The following ELP3 variants were observed in gnomAD, a reference collection of about 807,000 sequenced individuals.
ELP3 encodes elongator acetyltransferase complex subunit 3, also known as elongator complex protein 3.
A neutral mutation model predicts 74.9 loss-of-function variants in ELP3; 56 were observed. That is an observed-to-expected ratio of 0.75 (90% confidence interval 0.60 to 0.93). The LOEUF (loss-of-function observed/expected upper bound fraction) is 0.93, where lower values mean the gene tolerates loss of function less well. ELP3 is among the 40% of genes least tolerant of loss of function. ELP3 has a pLI of 0.00. For synonymous variants in ELP3, 222 were observed against 239.8 expected (o/e 0.93, Z 0.68); for missense variants, 573 against 686.5 (o/e 0.83, Z 1.85).
intron 14 of ELP3, among the ~76,000 whole-genome samples, chr8:28,174,415 C>A (rs1439667655): frequency 6.6e-6 from 1 of 152,022 alleles, no homozygotes; most frequent in Non-Finnish European, 1.5e-5. Flanking sequence ...CACTCTATGA[C>A]TCTTTTGGTT....
intron 2 of ELP3, 144 bp from the exon 3 acceptor site, chr8:28,099,684 G>A: frequency 2.2e-6 from 2 of 902,920 alleles, no homozygotes; most frequent in Non-Finnish European, 3.4e-6. Flanking sequence ...TTCCCTGATA[G>A]TCACAGATCT....
intron 10 of ELP3, among the ~76,000 whole-genome samples, chr8:28,149,550 G>A (rs780261072): frequency 2.6e-5 from 4 of 152,090 alleles, no homozygotes; most frequent in South Asian, 2.1e-4. Context: ...GATACTAAGC[G>A]TTTCCATCCT....
intron 10 of ELP3, among the ~76,000 whole-genome samples, chr8:28,150,165 A>T (rs1813586230): frequency 6.6e-6 from 1 of 152,220 alleles, no homozygotes; most frequent in South Asian, 2.1e-4. Flanking sequence ...ATTTGTATAT[A>T]TGTATGTATA....
chr8:28,136,084 C>T (rs759833888), intron 9 of ELP3, among the ~76,000 whole-genome samples: 7 of 151,916 alleles, frequency 4.6e-5, no homozygotes, highest in Non-Finnish European at 7.4e-5. Flanking sequence ...GCCTCAGCCT[C>T]CTCAATAGCT....
At chr8:28,119,680 C>G (rs940322761) in intron 7 of ELP3, among the ~76,000 whole-genome samples, 1 of 134,374 alleles carries the variant, frequency 7.4e-6, no homozygotes, top group African/African-American at 2.8e-5. Context: ...AATGCATATA[C>G]CTGTGCTACA....
Position 28,113,057 on chromosome 8 carries a change from T to C in ELP3, c.501T>C (p.Phe167=). ...QLGHSVDKVE[F]IVMGGTFMAL... is the part of the protein sequence containing the mutation. The stretch of plus-strand genomic sequence containing the variant: ...GTCATAGTGTGGATAAAGTGGAGTT[T>C]ATTGTGATGGGTGGAACGTTTATGG... The change falls in exon 7 of 15, where the codon TTT becomes TTC. Residue 167 remains phenylalanine, a synonymous_variant. Transcript: ENST00000256398. 1 of 1,613,800 alleles carries C rather than the reference T, an allele frequency of 6.2e-7. No homozygotes were observed.
chr8:28,138,154 G>C (rs1375600855), intron 10 of ELP3, among the ~76,000 whole-genome samples: 2 of 152,112 alleles, frequency 1.3e-5, no homozygotes, highest in Non-Finnish European at 2.9e-5. Flanking sequence ...GCTTGCTTCC[G>C]AGCAGCTTAT....
chr8:28,158,831 G>A (rs2130545206), intron 12 of ELP3, among the ~76,000 whole-genome samples, 198 bp downstream of exon 12: 1 of 152,294 alleles, frequency 6.6e-6, no homozygotes, highest in South Asian at 2.1e-4. Context: ...GGAAAACGAA[G>A]TCTGAACCTC....
intron 14 of ELP3, among the ~76,000 whole-genome samples, chr8:28,171,501 C>T (rs351758): frequency 0.56 from 85,285 of 151,960 alleles, 25,049 homozygotes; most frequent in East Asian, 0.93. Flanking sequence ...TTGCCCATTT[C>T]TTAACTGGAT....
chr8:28,159,903 G>A (rs934813948), intron 12 of ELP3, among the ~76,000 whole-genome samples: 2 of 152,196 alleles, frequency 1.3e-5, no homozygotes, highest in African/African-American at 4.8e-5. Flanking sequence ...ACGTGATTTT[G>A]AAATTTTACA....
chr8:28,117,404 G>A (rs982981716), intron 7 of ELP3, among the ~76,000 whole-genome samples: 20 of 152,124 alleles, frequency 1.3e-4, no homozygotes, highest in African/African-American at 3.1e-4. Context: ...CTAGTCCAGC[G>A]AGCTCAGTGC....
intron 9 of ELP3, among the ~76,000 whole-genome samples, chr8:28,135,738 G>A (rs1481324226): frequency 6.6e-6 from 1 of 152,096 alleles, no homozygotes; most frequent in Admixed American, 6.6e-5. Flanking sequence ...CCAGTTCTTG[G>A]TACCTCTGAT....
At chr8:28,159,090 C>T (rs915689094) in intron 12 of ELP3, among the ~76,000 whole-genome samples, 5 of 152,120 alleles carry the variant, frequency 3.3e-5, no homozygotes, top group African/African-American at 1.2e-4. Context: ...GCTGTTGGCC[C>T]AATGGTGATA....
Position 28,160,402 on chromosome 8 carries a change from G to A in ELP3, c.1431G>A (p.Val477=). ...TCTCCATAGTACGAGAGCTGCATGTGTATGGGAGTGTGGTCCCTGTGAGCA... is the reference window on the plus strand; with the variant it reads ...TCTCCATAGTACGAGAGCTGCATGTATATGGGAGTGTGGTCCCTGTGAGCA... ...GGVSIVRELH[V]YGSVVPVSSR... is the part of the protein sequence containing the mutation. The change falls in exon 13 of 15, where the codon GTG becomes GTA. Residue 477 remains valine, a synonymous_variant. Transcript: ENST00000256398. 6.2e-7 allele frequency: 1 copy of A among 1,614,174 alleles called. No homozygotes were observed. The highest frequency in any genetic ancestry group is 1.1e-5 in the South Asian group (1 of 91,084).
chr8:28,157,883 A>G (rs1247666168), intron 11 of ELP3, among the ~76,000 whole-genome samples: 1 of 152,146 alleles, frequency 6.6e-6, no homozygotes, highest in Non-Finnish European at 1.5e-5. Context: ...CATTGTCTGC[A>G]GGCAGCTCCA....
At chr8:28,097,387 A>G (rs1811293464) in intron 2 of ELP3, 69 bp downstream of exon 2, 1 of 1,003,142 alleles carries the variant, frequency 1.0e-6, no homozygotes, top group African/African-American at 1.6e-5. Flanking sequence ...ATTATCTAGT[A>G]CTACTTGTTT....
chr8:28,188,371 G>A (rs1423288992), intron 14 of ELP3, among the ~76,000 whole-genome samples: 1 of 52,774 alleles, frequency 1.9e-5, no homozygotes, highest in African/African-American at 4.7e-5. Context: ...GGCATCTTTT[G>A]TTCTAATCTG....
intron 14 of ELP3, 113 bp downstream of exon 14, chr8:28,162,191 G>A: frequency 4.6e-6 from 5 of 1,077,540 alleles, no homozygotes; most frequent in Non-Finnish European, 7.0e-6. Context: ...GTTCAAAATT[G>A]AGCTGAGCTG....
intron 2 of ELP3, 141 bp downstream of exon 2, chr8:28,097,459 TC>T: frequency 5.3e-6 from 3 of 561,180 alleles, no homozygotes; most frequent in South Asian, 2.5e-5. Flanking sequence ...GTCATTCATT[TC>T]TTTTTTTTTT....
Sources: allele counts gnomAD v4.1 joint callset (sites outside exome capture counted in the v4.1 genomes callset), GRCh38; gene constraint gnomAD v4.1.1; transcripts MANE v1.5; gene names NCBI Gene and HGNC (gene_info 2026-07-23, HGNC 2026-07-21).